The following PARVA variants were observed in gnomAD, a reference collection of about 807,000 sequenced individuals.
PARVA encodes parvin alpha.
A neutral mutation model predicts 52.6 loss-of-function variants in PARVA; 25 were observed. The ratio of observed to expected loss-of-function variants is 0.48; its 90% CI spans 0.35 to 0.66. The LOEUF (loss-of-function observed/expected upper bound fraction) is 0.66. Ranked by LOEUF, PARVA falls within the 30% of genes least tolerant of loss-of-function variation. PARVA has a pLI of 0.01. For synonymous variants in PARVA, 185 were observed against 179.1 expected (o/e 1.03, Z -0.26); for missense variants, 373 against 450.9 (o/e 0.83, Z 1.56).
At chr11:12,475,543 A>AGGGT (rs927588747) in intron 3 of PARVA, among the ~76,000 whole-genome samples, 6 of 152,170 alleles carry the variant, frequency 3.9e-5, no homozygotes, top group African/African-American at 9.7e-5. Context: ...GAGGAAAGGA[A>AGGGT]GGGTGGGTGG....
At chr11:12,448,850 C>T (rs111563354) in intron 1 of PARVA, among the ~76,000 whole-genome samples, 3 of 152,150 alleles carry the variant, frequency 2.0e-5, no homozygotes, top group African/African-American at 4.8e-5. Context: ...TATCAGCAGA[C>T]GTTGCTCCAA....
In PARVA at chr11:12,532,595, T is replaced by C. The variant is rs1007978895; in HGVS notation, c.*4670T>C. On this transcript the variant is annotated 3_prime_UTR_variant, in exon 13 of 13. Coordinates refer to ENST00000334956, the MANE Select transcript of PARVA (RefSeq NM_018222.5). ...ATGAAAAATAACTATGAATCGACGT[T>C]AGTTACAAATTGTGACTGTCGCGAT... Among the ~76,000 whole-genome samples the C allele has an allele frequency of 2.6e-5, 4 of 152,228 alleles. No individual in the cohort carries two copies. Among genetic ancestry groups the C allele is most frequent in the Non-Finnish European group, 5.9e-5 (4 of 68,044 alleles).
intron 5 of PARVA, among the ~76,000 whole-genome samples, chr11:12,497,092 G>T (rs1293305454): frequency 1.3e-5 from 2 of 152,156 alleles, no homozygotes; most frequent in East Asian, 3.9e-4. Flanking sequence ...ACTGAAACAA[G>T]ATGTTAAAAT....
chr11:12,401,168 G>A (rs1305870789), intron 1 of PARVA, among the ~76,000 whole-genome samples: 2 of 152,302 alleles, frequency 1.3e-5, no homozygotes, highest in East Asian at 3.9e-4. Context: ...TGGGCTGGTA[G>A]TTATTTTTAA....
rs754231134 is a variant in PARVA at position 12,532,954 on chromosome 11, T to C, written c.*5029T>C. 2.0e-5 allele frequency among the ~76,000 whole-genome samples: 3 copies of C among 152,214 alleles called. No homozygotes were observed. The highest frequency in any genetic ancestry group is 4.4e-5 in the Non-Finnish European group (3 of 68,034). On this transcript the variant is annotated 3_prime_UTR_variant, in exon 13 of 13. Coordinates refer to ENST00000334956, the MANE Select transcript of PARVA (RefSeq NM_018222.5). ...TGTGTAGGAAAACTCTGGGGAAAGC[T>C]ACGTCAGCAATATGGAGTCTGGGGT...
chr11:12,439,700 C>T (rs1940436027), intron 1 of PARVA, among the ~76,000 whole-genome samples: 1 of 152,176 alleles, frequency 6.6e-6, no homozygotes, highest in East Asian at 1.9e-4. Flanking sequence ...TGCTGCTCCT[C>T]CCACCCCACT....
At chr11:12,449,601 C>G (rs1940597002) in intron 1 of PARVA, among the ~76,000 whole-genome samples, 1 of 152,186 alleles carries the variant, frequency 6.6e-6, no homozygotes, top group South Asian at 2.1e-4. Context: ...CTTCTTTCTT[C>G]CTCTCTGTAT....
intron 1 of PARVA, among the ~76,000 whole-genome samples, chr11:12,441,294 T>C (rs557050022): frequency 1.3e-5 from 2 of 152,326 alleles, no homozygotes; most frequent in South Asian, 4.1e-4. Context: ...TCTGCCATGC[T>C]TCAGATGCCA....
chr11:12,434,600 C>G (rs1048375359), intron 1 of PARVA, among the ~76,000 whole-genome samples: 7 of 152,174 alleles, frequency 4.6e-5, no homozygotes, highest in Admixed American at 3.3e-4. Flanking sequence ...CTGGGCTTCC[C>G]CTTCTTGACC....
At chr11:12,482,447 A>T (rs113465191) in intron 4 of PARVA, among the ~76,000 whole-genome samples, 18,600 of 152,036 alleles carry the variant, frequency 0.12, 1,294 homozygotes, top group Non-Finnish European at 0.17. Flanking sequence ...CAACATGGTG[A>T]AACCCCCATC....
At chr11:12,411,357 T>C (rs1939990273) in intron 1 of PARVA, among the ~76,000 whole-genome samples, 1 of 152,316 alleles carries the variant, frequency 6.6e-6, no homozygotes, top group Admixed American at 6.5e-5. Flanking sequence ...AGTTCCCCTA[T>C]TGCCAACATT....
intron 9 of PARVA, chr11:12,513,711 TC>T (rs1941532205): frequency 1.0e-5 from 6 of 583,836 alleles, no homozygotes; most frequent in Admixed American, 5.9e-5. Flanking sequence ...TTATTTCAGT[TC>T]CCCCACCCAG....
intron 1 of PARVA, among the ~76,000 whole-genome samples, chr11:12,429,597 T>C (rs1367485066): frequency 6.6e-6 from 1 of 152,236 alleles, no homozygotes; most frequent in Non-Finnish European, 1.5e-5. Flanking sequence ...AGCTAACCTA[T>C]GGTTAGCCAT....
chr11:12,510,237 C>T (rs1190906717), intron 7 of PARVA, among the ~76,000 whole-genome samples: 1 of 152,122 alleles, frequency 6.6e-6, no homozygotes, highest in Non-Finnish European at 1.5e-5. Flanking sequence ...ACTCCAAGTT[C>T]ATTATTCTTT....
chr11:12,406,922 G>A (rs892454410), intron 1 of PARVA, among the ~76,000 whole-genome samples: 4 of 151,874 alleles, frequency 2.6e-5, no homozygotes, highest in Non-Finnish European at 2.9e-5. Context: ...CACCTGCCTC[G>A]GCTTCCCAAA....
At chr11:12,509,015 G>A (rs897039954) in intron 7 of PARVA, among the ~76,000 whole-genome samples, 1 of 151,360 alleles carries the variant, frequency 6.6e-6, no homozygotes, top group Non-Finnish European at 1.5e-5. Flanking sequence ...AATCTGATTT[G>A]GGCATGTGCC....
At chr11:12,451,407 C>T (rs1014382425) in intron 1 of PARVA, among the ~76,000 whole-genome samples, 1 of 151,736 alleles carries the variant, frequency 6.6e-6, no homozygotes, top group Non-Finnish European at 1.5e-5. Context: ...CACGTCCCTA[C>T]CTAATGAAAT....
intron 1 of PARVA, among the ~76,000 whole-genome samples, chr11:12,471,927 C>T (rs1940940823): frequency 6.6e-6 from 1 of 152,196 alleles, no homozygotes; most frequent in Admixed American, 6.5e-5. Context: ...ACTTTATTTC[C>T]ACTGCTCACT....
At chr11:12,387,041 C>T (rs1193003292) in intron 1 of PARVA, among the ~76,000 whole-genome samples, 2 of 152,224 alleles carry the variant, frequency 1.3e-5, no homozygotes, top group African/African-American at 4.8e-5. Flanking sequence ...ATGTTCCAGC[C>T]ATGAGTCCAG....
Sources: gnomAD v4.1 joint callset for allele counts (sites outside exome capture counted in the v4.1 genomes callset) on GRCh38, gnomAD v4.1.1 for gene constraint, MANE v1.5 for transcripts, NCBI Gene and HGNC (gene_info 2026-07-23, HGNC 2026-07-21) for gene names.